Variants in KNSTRN observed in about 807,000 individuals in gnomAD.
KNSTRN encodes kinetochore localized astrin (SPAG5) binding protein.
In KNSTRN, 38 loss-of-function variants were observed where a neutral mutation model predicts 44.7. The observed-to-expected ratio is 0.85, with a 90% CI of 0.66 to 1.11. The LOEUF (loss-of-function observed/expected upper bound fraction) is 1.11, where lower values mean the gene tolerates loss of function less well. Among genes scored for constraint, KNSTRN ranks in the 50% most tolerant of loss-of-function variants. KNSTRN has a pLI of 0.00. For missense variants in KNSTRN, 406 were observed against 375.8 expected, an observed-to-expected ratio of 1.08 and a Z score of -0.66; for synonymous variants, 158 against 148.1, an observed-to-expected ratio of 1.07 and a Z score of -0.48.
Position 40,391,515 on chromosome 15 carries a change from A to G in KNSTRN, c.708A>G (p.Ala236=). The G allele has an allele frequency of 6.2e-7, 1 of 1,614,052 alleles. No individual in the cohort carries two copies. Among genetic ancestry groups the G allele is most frequent in the Non-Finnish European group, 8.5e-7 (1 of 1,179,938 alleles). ...CAGCTTTAGGCAGTGAGACCCTGGC[A>G]TCACGACAAGAATCCACTACTGATC... The part of the protein sequence containing the change: ...LDPALGSETL[A]SRQESTTDHM... The change falls in exon 7 of 9, where the codon GCA becomes GCG. Residue 236 remains alanine, a synonymous_variant. Coordinates refer to ENST00000249776, the MANE Select transcript of KNSTRN (RefSeq NM_033286.4).
chr15:40,387,729 AG>A (rs1178230493), intron 4 of KNSTRN, among the ~76,000 whole-genome samples: 3 of 152,108 alleles, frequency 2.0e-5, no homozygotes, highest in Non-Finnish European at 4.4e-5. Context: ...TGAAGACAGC[AG>A]GGCACACCAG....
intron 4 of KNSTRN, 39 bp downstream of exon 4, chr15:40,387,245 G>A (rs952746443): frequency 1.4e-6 from 2 of 1,460,658 alleles, no homozygotes; most frequent in Non-Finnish European, 1.9e-6. Flanking sequence ...ACTATTCTAG[G>A]GTAGTGGATC....
chr15:40,392,223 G>A (rs1005248228), intron 8 of KNSTRN, among the ~76,000 whole-genome samples, 200 bp downstream of exon 8: 2 of 150,192 alleles, frequency 1.3e-5, no homozygotes, highest in East Asian at 1.9e-4. Flanking sequence ...AGGGGTACAC[G>A]TACAGGGTGT....
chr15:40,384,765 A>G (rs755943941), intron 2 of KNSTRN: 2 of 172,846 alleles, frequency 1.2e-5, no homozygotes, highest in African/African-American at 2.4e-5. Context: ...GTGGAAAACC[A>G]TATACAATGA....
In KNSTRN at chr15:40,382,937, T is replaced by C. The variant is rs540599208; in HGVS notation, c.102T>C (p.Phe34=). 9 of 1,612,278 alleles carry C rather than the reference T, an allele frequency of 5.6e-6. No homozygotes were observed. In the African/African-American group the frequency reaches 8.0e-5, roughly 14 times the overall value. ...SHPLPPSYRK[F]LFETQAADLA... ...CACTTCCGCCTAGCTACCGGAAGTT[T>C]CTATTTGAAACCCAGGCGGCCGACT... is the stretch of plus-strand genomic sequence containing the variant. Residue 34 remains phenylalanine (F), a synonymous_variant, in exon 1 of 9, where the codon TTT becomes TTC. Coordinates refer to ENST00000249776, the MANE Select transcript of KNSTRN (RefSeq NM_033286.4).
Position 40,388,308 on chromosome 15 carries a change from A to C in KNSTRN, c.485+1102A>C, listed in dbSNP as rs192577920. 6.6e-5 allele frequency among the ~76,000 whole-genome samples: 10 copies of C among 152,360 alleles called. No individual in the cohort carries two copies. The East Asian group carries it at 1.7e-3, about 26-fold the overall frequency. On this transcript the variant is annotated intron_variant, in intron 4 of 8. Coordinates refer to ENST00000249776, the MANE Select transcript of KNSTRN (RefSeq NM_033286.4). ...TTAACTAAAAGTATCCCTTATGGGAAATGGATGGGCTGAATTAAAGGAATA... is the reference window on the plus strand; with the variant it reads ...TTAACTAAAAGTATCCCTTATGGGACATGGATGGGCTGAATTAAAGGAATA...
chr15:40,386,010 A>G (rs1889894032), intron 2 of KNSTRN, among the ~76,000 whole-genome samples: 1 of 152,246 alleles, frequency 6.6e-6, no homozygotes. Flanking sequence ...CCAAGGCAGG[A>G]GGATTGCTTG....
intron 8 of KNSTRN, among the ~76,000 whole-genome samples, chr15:40,392,729 G>C (rs1477914398): frequency 6.6e-6 from 1 of 152,120 alleles, no homozygotes; most frequent in Non-Finnish European, 1.5e-5. Flanking sequence ...TCTTGCCTCA[G>C]TCTCCCAAGT....
intron 4 of KNSTRN, chr15:40,389,078 G>A: frequency 1.2e-5 from 5 of 414,040 alleles, no homozygotes; most frequent in Non-Finnish European, 2.4e-5. Context: ...ACTCACTGAA[G>A]GTCATATACC....
chr15:40,390,650 C>T (rs2141275726), intron 6 of KNSTRN, among the ~76,000 whole-genome samples: 1 of 151,828 alleles, frequency 6.6e-6, no homozygotes, highest in East Asian at 1.9e-4. Flanking sequence ...AGTCTCATTC[C>T]ATTGCCCAAG....
rs1419578750 is a variant in KNSTRN, at chr15:40,389,849, A to G, written c.605A>G (p.Asp202Gly). 2 of 1,614,064 alleles carry G rather than the reference A, an allele frequency of 1.2e-6. No individual in the cohort carries two copies. The highest frequency in any genetic ancestry group is 1.7e-6 in the Non-Finnish European group (2 of 1,180,018). Residue 202 changes from aspartate (D) to glycine (G), a missense_variant, in exon 6 of 9, where the codon GAC (aspartate) becomes GGC (glycine). Asp to Gly is a moderately conservative substitution (Grantham distance 94). Transcript: ENST00000249776. Reference sequence around the variant, plus strand: ...GTGCTCCAATAGGGAGAGCTGAAGGACCTGACCCAGAAGGTAGAGCTGCTG... The same window carrying G: ...GTGCTCCAATAGGGAGAGCTGAAGGGCCTGACCCAGAAGGTAGAGCTGCTG... Reference protein sequence around the residue: ...KLTETQGELKDLTQKVELLEK... With the variant: ...KLTETQGELKGLTQKVELLEK...
At chr15:40,391,779 A>G (rs1890001270) in intron 7 of KNSTRN, 170 bp from the exon 8 acceptor site, 1 of 667,686 alleles carries the variant, frequency 1.5e-6, no homozygotes, top group Non-Finnish European at 2.6e-6. Flanking sequence ...TTTAAAACAC[A>G]TAATAGGTAA....
intron 8 of KNSTRN, 132 bp from the exon 9 acceptor site, chr15:40,393,337 A>G (rs1455090605): frequency 1.2e-6 from 2 of 1,601,494 alleles, no homozygotes; most frequent in Non-Finnish European, 1.7e-6. Flanking sequence ...AATAGAAGAT[A>G]CAGTCTGTTG....
In KNSTRN at chr15:40,386,433, C is replaced by T; in HGVS notation, c.376C>T (p.Leu126Phe). ...RSKEVDVSKQ[L>F]HSGGPENDVT... ...CAAAGAAGTCGATGTTTCCAAACAGCTTCATTCAGGAGGTCCAGAGAATGA... is the reference window on the plus strand; with the variant it reads ...CAAAGAAGTCGATGTTTCCAAACAGTTTCATTCAGGAGGTCCAGAGAATGA... Residue 126 changes from leucine (L) to phenylalanine (F), a missense_variant, in exon 3 of 9, where the codon CTT becomes TTT. Leu to Phe is a conservative substitution (Grantham distance 22, BLOSUM62 0). Coordinates refer to ENST00000249776, the MANE Select transcript of KNSTRN (RefSeq NM_033286.4). 6.2e-7 allele frequency: 1 copy of T among 1,614,108 alleles called. No homozygotes were observed. Among genetic ancestry groups the T allele is most frequent in the South Asian group, 1.1e-5 (1 of 91,080 alleles).
chr15:40,391,424 G>A, intron 6 of KNSTRN, 69 bp from the exon 7 acceptor site: 1 of 1,224,112 alleles, frequency 8.2e-7, no homozygotes. Flanking sequence ...TGTCCACGGA[G>A]GGTTTTTATT....
At chr15:40,393,380 G>A in intron 8 of KNSTRN, 89 bp from the exon 9 acceptor site, 1 of 1,591,576 alleles carries the variant, frequency 6.3e-7, no homozygotes, top group Non-Finnish European at 8.5e-7. Flanking sequence ...TGGAATAGGA[G>A]CATAATGTTC....
intron 8 of KNSTRN, 134 bp downstream of exon 8, chr15:40,392,157 A>G (rs1468155314): frequency 9.3e-6 from 6 of 647,028 alleles, no homozygotes; most frequent in East Asian, 3.2e-5. Flanking sequence ...TACAAAGATA[A>G]TACAGAAAAT....
chr15:40,389,252 G>A (rs749225415), intron 4 of KNSTRN: 8 of 492,822 alleles, frequency 1.6e-5, no homozygotes, highest in South Asian at 4.8e-5. Flanking sequence ...GGGTTCAAGC[G>A]ATTATCCTGC....
In KNSTRN at chr15:40,386,301, T is replaced by G. The variant is rs182133706; in HGVS notation, c.305-61T>G. 7.1e-6 allele frequency: 11 copies of G among 1,545,978 alleles called. No individual in the cohort carries two copies. The East Asian group carries it at 2.5e-4, about 35-fold the overall frequency. ...CAACTTCGAATGGGGCTCTGTTTGT[T>G]ACAGGGTTGCAACTGTCGGGTCATG... On this transcript the variant is annotated intron_variant, in intron 2 of 8. Transcript: ENST00000249776.
Sources: gnomAD v4.1 joint callset for allele counts (sites outside exome capture counted in the v4.1 genomes callset) on GRCh38, gnomAD v4.1.1 for gene constraint, MANE v1.5 for transcripts, NCBI Gene and HGNC (gene_info 2026-07-23, HGNC 2026-07-21) for gene names.